DYM: variants seen among roughly 807,000 people sequenced by gnomAD.
DYM encodes the protein dyggve-Melchior-Clausen syndrome protein.
Under a neutral mutation model 93.1 loss-of-function variants are expected in DYM, and 78 were observed. That is an observed-to-expected ratio of 0.84 (90% CI 0.70 to 1.01). The LOEUF is 1.01. DYM is among the 50% of genes least tolerant of loss of function. The probability of loss-of-function intolerance (pLI) is 0.00; values close to 1 mark genes in which losing one functional copy is unlikely to be tolerated. For missense variants in DYM, 789 were observed against 845.0 expected, an observed-to-expected ratio of 0.93 and a Z score of 0.82; for synonymous variants, 321 against 319.7, an observed-to-expected ratio of 1.00 and a Z score of -0.04.
chr18:49,380,583 G>A (rs2067952489), intron 3 of DYM, among the ~76,000 whole-genome samples: 1 of 152,172 alleles, frequency 6.6e-6, no homozygotes, highest in South Asian at 2.1e-4. Context: ...CTTATCAACT[G>A]GCTCAAATCT....
intron 11 of DYM, among the ~76,000 whole-genome samples, chr18:49,266,476 T>C (rs141659328): frequency 7.5e-4 from 114 of 152,184 alleles, no homozygotes; most frequent in African/African-American, 2.6e-3. Context: ...CTGGGCATGG[T>C]GGCATGCACC....
intron 13 of DYM, among the ~76,000 whole-genome samples, chr18:49,239,085 G>A (rs1477089131): frequency 6.6e-6 from 1 of 152,190 alleles, no homozygotes. Context: ...GCAGCCACAT[G>A]AACATGCATC....
At chr18:49,077,640 T>G (rs567984900) in intron 17 of DYM, among the ~76,000 whole-genome samples, 4 of 152,230 alleles carry the variant, frequency 2.6e-5, no homozygotes, top group Non-Finnish European at 5.9e-5. Flanking sequence ...TTCATGATAT[T>G]GAAGCTTTGC....
At chr18:49,285,731 C>T (rs1400903384) in intron 9 of DYM, among the ~76,000 whole-genome samples, 1 of 152,212 alleles carries the variant, frequency 6.6e-6, no homozygotes, top group Non-Finnish European at 1.5e-5. Flanking sequence ...TGCTGTTGAG[C>T]AGCACTTGAC....
intron 1 of DYM, among the ~76,000 whole-genome samples, chr18:49,440,053 T>TAAAA (rs869031001): frequency 2.6e-5 from 3 of 116,332 alleles, no homozygotes; most frequent in African/African-American, 2.9e-5. Context: ...AATAAATAAA[T>TAAAA]AAAACATGAT....
intron 1 of DYM, among the ~76,000 whole-genome samples, chr18:49,447,841 C>CAT (rs996981722): frequency 6.6e-6 from 1 of 152,130 alleles, no homozygotes; most frequent in Non-Finnish European, 1.5e-5. Context: ...AGTAACAAGG[C>CAT]ATATAGCTCA....
intron 8 of DYM, 136 bp from the exon 9 acceptor site, chr18:49,286,752 T>C (rs2059692974): frequency 1.2e-6 from 1 of 843,496 alleles, no homozygotes. Flanking sequence ...TGTCTATACA[T>C]TTCACAAGGC....
chr18:49,156,961 C>T (rs1343973029), intron 15 of DYM, among the ~76,000 whole-genome samples: 1 of 151,658 alleles, frequency 6.6e-6, no homozygotes, highest in East Asian at 1.9e-4. Context: ...GCCTGGCATT[C>T]AGGAAAAGCA....
intron 16 of DYM, among the ~76,000 whole-genome samples, chr18:49,105,341 A>T (rs1317457190): frequency 4.6e-5 from 7 of 151,988 alleles, no homozygotes; most frequent in Non-Finnish European, 8.8e-5. Flanking sequence ...AATTTTGTTG[A>T]TCTTTTCAAA....
intron 8 of DYM, among the ~76,000 whole-genome samples, chr18:49,307,076 G>A (rs1283623569): frequency 6.6e-6 from 1 of 151,818 alleles, no homozygotes; most frequent in Admixed American, 6.6e-5. Context: ...TCTTCTGCTT[G>A]TTATGAAGTT....
chr18:49,163,556 G>A (rs2087459802), intron 15 of DYM, 129 bp downstream of exon 15: 1 of 643,628 alleles, frequency 1.6e-6, no homozygotes, highest in African/African-American at 1.8e-5. Flanking sequence ...ATGTTGGCCA[G>A]GCTGGTCTTG....
chr18:49,274,536 A>G (rs938017461), intron 10 of DYM, among the ~76,000 whole-genome samples: 2 of 152,130 alleles, frequency 1.3e-5, no homozygotes, highest in Non-Finnish European at 2.9e-5. Flanking sequence ...TCATATGGTA[A>G]CTGTTTCATT....
At chr18:49,329,986 T>A (rs1009777865) in intron 8 of DYM, among the ~76,000 whole-genome samples, 4 of 152,232 alleles carry the variant, frequency 2.6e-5, no homozygotes, top group Admixed American at 6.5e-5. Context: ...GGCAACTTGA[T>A]TGACTTTCCT....
rs1273763894 is a variant in DYM, at chr18:49,058,303, TTTTTTC to T, written c.2026-14105_2026-14100del. 1.1e-4 allele frequency among the ~76,000 whole-genome samples: 16 copies of T among 152,138 alleles called. No homozygotes were observed. In the East Asian group the frequency reaches 1.5e-3, roughly 15 times the overall value. Reference sequence around the variant, plus strand: ...GGCTCCAATTTTGCTAAATTTACATTTTTTTCTTTTTCTTCTTTTTTTTTTTTTTCC... The same window carrying T: ...GGCTCCAATTTTGCTAAATTTACATTTTTTTCTTCTTTTTTTTTTTTTTCC... On this transcript the variant is annotated intron_variant, in intron 17 of 17. Transcript: ENST00000675505.
At chr18:49,225,868 A>G (rs938166329) in intron 13 of DYM, among the ~76,000 whole-genome samples, 1 of 152,164 alleles carries the variant, frequency 6.6e-6, no homozygotes, top group African/African-American at 2.4e-5. Flanking sequence ...CAATTTTATA[A>G]TATCTTTGTC....
intron 6 of DYM, among the ~76,000 whole-genome samples, chr18:49,343,063 T>C (rs185340504): frequency 1.6e-4 from 24 of 152,346 alleles, no homozygotes; most frequent in African/African-American, 2.9e-4. Context: ...TGGGCAAAGA[T>C]GTCAAGAACC....
chr18:49,289,758 T>TATATACAC (rs1555678673), intron 8 of DYM, among the ~76,000 whole-genome samples: 103 of 38,142 alleles, frequency 2.7e-3, no homozygotes, highest in African/African-American at 6.9e-3. Context: ...TATATATATA[T>TATATACAC]ATATATATAT....
chr18:49,080,435 G>C (rs2077806815), intron 17 of DYM, among the ~76,000 whole-genome samples: 1 of 128,884 alleles, frequency 7.8e-6, no homozygotes, highest in Non-Finnish European at 1.7e-5. Flanking sequence ...CGGCAGAGGG[G>C]CTCCTCACTT....
chr18:49,193,340 C>T (rs550344229), intron 14 of DYM, among the ~76,000 whole-genome samples: 2 of 151,928 alleles, frequency 1.3e-5, no homozygotes, highest in South Asian at 2.1e-4. Context: ...AATATGTAGT[C>T]TTTAAAAAAT....
Sources: gnomAD v4.1 joint callset for allele counts (sites outside exome capture counted in the v4.1 genomes callset) on GRCh38, gnomAD v4.1.1 for gene constraint, MANE v1.5 for transcripts, NCBI Gene and HGNC (gene_info 2026-07-23, HGNC 2026-07-21) for gene names.